Variants in AUTS2 observed in about 807,000 individuals in gnomAD.
The protein encoded by AUTS2 is activator of transcription and developmental regulator AUTS2.
In AUTS2, 17 loss-of-function variants were observed where a neutral mutation model predicts 112.4. The ratio of observed to expected loss-of-function variants is 0.15; its 90% CI spans 0.10 to 0.23. The LOEUF (loss-of-function observed/expected upper bound fraction) is 0.23. Among genes scored for constraint, AUTS2 ranks in the 10% least tolerant of loss-of-function variants. AUTS2 has a pLI of 1.00. For missense variants in AUTS2, 1,510 were observed against 1,701.6 expected (o/e 0.89, Z 1.98); for synonymous variants, 751 against 702.7 (o/e 1.07, Z -1.09).
intron 4 of AUTS2, among the ~76,000 whole-genome samples, chr7:70,283,370 A>T (rs1257111610): frequency 6.6e-6 from 1 of 152,222 alleles, no homozygotes; most frequent in African/African-American, 2.4e-5. Flanking sequence ...TAAAAGTGCC[A>T]TCACTTGCAA....
intron 1 of AUTS2, among the ~76,000 whole-genome samples, chr7:69,605,155 A>G (rs1001762168): frequency 2.6e-5 from 4 of 152,236 alleles, no homozygotes; most frequent in Admixed American, 1.3e-4. Flanking sequence ...GGGAAATACT[A>G]GAAAGGATCC....
intron 4 of AUTS2, among the ~76,000 whole-genome samples, chr7:70,181,442 ACTC>A: frequency 7.0e-6 from 1 of 141,950 alleles, no homozygotes; most frequent in Admixed American, 7.0e-5. Context: ...TTTTTATTTC[ACTC>A]CTCCTTTGTC....
intron 2 of AUTS2, among the ~76,000 whole-genome samples, chr7:69,995,810 C>A (rs973048827): frequency 1.3e-5 from 2 of 152,160 alleles, no homozygotes; most frequent in African/African-American, 2.4e-5. Flanking sequence ...CCAAAATCTA[C>A]CTGAAAGTTT....
At chr7:70,381,670 A>G (rs28406007) in intron 4 of AUTS2, among the ~76,000 whole-genome samples, 7 of 152,206 alleles carry the variant, frequency 4.6e-5, no homozygotes, top group Non-Finnish European at 7.3e-5. Flanking sequence ...AACAGACATT[A>G]AGAAAATTTT....
intron 4 of AUTS2, among the ~76,000 whole-genome samples, chr7:70,403,679 T>A (rs933037585): frequency 2.0e-5 from 3 of 152,198 alleles, no homozygotes; most frequent in African/African-American, 7.2e-5. Flanking sequence ...CTCAGCTCCC[T>A]ATGGGGTCTT....
chr7:69,733,506 C>A (rs776185349), intron 1 of AUTS2, among the ~76,000 whole-genome samples: 1 of 152,120 alleles, frequency 6.6e-6, no homozygotes, highest in Non-Finnish European at 1.5e-5. Context: ...CTGGTGAAAT[C>A]CTCCTCTGAG....
chr7:69,780,515 A>G (rs547355085), intron 1 of AUTS2, among the ~76,000 whole-genome samples: 18 of 152,310 alleles, frequency 1.2e-4, no homozygotes, highest in Admixed American at 4.6e-4. Flanking sequence ...GCATTGTCTG[A>G]ATTTTTGGCC....
chr7:70,365,232 T>C (rs572149777), intron 4 of AUTS2, among the ~76,000 whole-genome samples: 22 of 152,230 alleles, frequency 1.4e-4, no homozygotes, highest in Non-Finnish European at 2.1e-4. Flanking sequence ...AGAGGGTCAG[T>C]TCCATCACCA....
At chr7:70,230,525 T>A (rs527876738) in intron 4 of AUTS2, among the ~76,000 whole-genome samples, 9 of 152,288 alleles carry the variant, frequency 5.9e-5, no homozygotes, top group African/African-American at 2.2e-4. Context: ...CATAAATGAT[T>A]TGGGGAATGA....
At chr7:70,650,522 A>G (rs1563102471) in intron 5 of AUTS2, among the ~76,000 whole-genome samples, 1 of 152,248 alleles carries the variant, frequency 6.6e-6, no homozygotes, top group Non-Finnish European at 1.5e-5. Flanking sequence ...GCTGGTCAAG[A>G]GCAGATCTAG....
intron 2 of AUTS2, among the ~76,000 whole-genome samples, chr7:69,934,936 G>A (rs942929533): frequency 1.3e-5 from 2 of 152,162 alleles, no homozygotes; most frequent in Admixed American, 1.3e-4. Flanking sequence ...GCCATTATGT[G>A]CATTACCTTT....
chr7:70,188,206 A>C (rs1467463388), intron 4 of AUTS2, among the ~76,000 whole-genome samples: 1 of 152,206 alleles, frequency 6.6e-6, no homozygotes, highest in Non-Finnish European at 1.5e-5. Context: ...GTACCTCCCA[A>C]ATAATGAAAC....
Position 69,700,467 on chromosome 7 carries a change from TCTC to T in AUTS2, c.309+100508_309+100510del, listed in dbSNP as rs536430253. On this transcript the variant is annotated intron_variant, in intron 1 of 18. Coordinates refer to ENST00000342771, the MANE Select transcript of AUTS2 (RefSeq NM_015570.4). The stretch of plus-strand genomic sequence containing the variant: ...GTTAGATGGTTTGAGGAAGGACAGG[TCTC>T]CTGGAATTCTGTGGCTTGTCATAGG... Among the ~76,000 whole-genome samples the T allele has an allele frequency of 1.8e-4, 28 of 152,178 alleles. No individual in the cohort carries two copies. The South Asian group carries it at 5.2e-3, about 28-fold the overall frequency.
chr7:70,697,578 A>G (rs1212587646), intron 5 of AUTS2, among the ~76,000 whole-genome samples: 2 of 102,354 alleles, frequency 2.0e-5, no homozygotes, highest in Admixed American at 2.5e-4. Flanking sequence ...CCCATTTCCT[A>G]TATTTCCTTT....
At chr7:69,669,532 G>A (rs920677080) in intron 1 of AUTS2, among the ~76,000 whole-genome samples, 4 of 151,864 alleles carry the variant, frequency 2.6e-5, no homozygotes, top group Non-Finnish European at 5.9e-5. Flanking sequence ...ACATTTGCTT[G>A]TTTCTAATAT....
intron 1 of AUTS2, among the ~76,000 whole-genome samples, chr7:69,648,022 T>G (rs2129128670): frequency 6.6e-6 from 1 of 152,306 alleles, no homozygotes; most frequent in South Asian, 2.1e-4. Flanking sequence ...TTAACATTGG[T>G]GTCTGAAAGA....
chr7:70,746,030 G>A (rs970012953), intron 6 of AUTS2, among the ~76,000 whole-genome samples: 1 of 152,160 alleles, frequency 6.6e-6, no homozygotes, highest in Non-Finnish European at 1.5e-5. Context: ...GATTTATCAA[G>A]TGCTCACTCT....
intron 2 of AUTS2, among the ~76,000 whole-genome samples, chr7:70,072,782 A>G (rs941118289): frequency 3.3e-5 from 5 of 152,090 alleles, no homozygotes; most frequent in African/African-American, 1.2e-4. Flanking sequence ...TGTACCTTTC[A>G]TTTAAAAAAA....
intron 1 of AUTS2, among the ~76,000 whole-genome samples, chr7:69,748,354 A>G (rs983146204): frequency 6.6e-6 from 1 of 152,218 alleles, no homozygotes; most frequent in African/African-American, 2.4e-5. Flanking sequence ...AAAAATTAAA[A>G]GTATTGCATA....
Sources: gnomAD v4.1 joint callset for allele counts (sites outside exome capture counted in the v4.1 genomes callset) on GRCh38, gnomAD v4.1.1 for gene constraint, MANE v1.5 for transcripts, NCBI Gene and HGNC (gene_info 2026-07-23, HGNC 2026-07-21) for gene names.